The following GDAP2 variants were observed in gnomAD, a reference collection of about 807,000 sequenced individuals.
GDAP2 encodes the protein ganglioside-induced differentiation-associated protein 2.
A neutral mutation model predicts 67.0 loss-of-function variants in GDAP2; 51 were observed. The ratio of observed to expected loss-of-function variants is 0.76; its 90% CI spans 0.61 to 0.96. GDAP2 has a LOEUF of 0.96. GDAP2 is among the 40% of genes least tolerant of loss of function. The pLI is 0.00. For missense variants in GDAP2, 547 were observed against 588.3 expected, an observed-to-expected ratio of 0.93 and a Z score of 0.73; for synonymous variants, 203 against 207.3, an observed-to-expected ratio of 0.98 and a Z score of 0.18.
At chr1:117,903,800 A>G (rs1276703385) in intron 6 of GDAP2, among the ~76,000 whole-genome samples, 3 of 152,202 alleles carry the variant, frequency 2.0e-5, no homozygotes, top group Non-Finnish European at 1.5e-5. Context: ...AATAGTAAAG[A>G]GAAGACAAAT....
At chr1:117,927,489 A>T (rs772865910) in intron 1 of GDAP2, among the ~76,000 whole-genome samples, 6 of 152,184 alleles carry the variant, frequency 3.9e-5, no homozygotes, top group Admixed American at 6.5e-5. Flanking sequence ...CTGGATAACA[A>T]CAGTACAAAG....
At chr1:117,922,986 T>C (rs1211635808) in intron 1 of GDAP2, among the ~76,000 whole-genome samples, 3 of 152,216 alleles carry the variant, frequency 2.0e-5, no homozygotes, top group African/African-American at 4.8e-5. Context: ...TGCATTCTTT[T>C]CCCAGGGCTG....
chr1:117,902,181 T>C (rs1266485519), intron 6 of GDAP2, among the ~76,000 whole-genome samples: 1 of 152,238 alleles, frequency 6.6e-6, no homozygotes, highest in Non-Finnish European at 1.5e-5. Context: ...ACAATGTTTC[T>C]TGCCATAGAC....
At chr1:117,922,461 T>C (rs1170154935) in intron 1 of GDAP2, among the ~76,000 whole-genome samples, 1 of 152,188 alleles carries the variant, frequency 6.6e-6, no homozygotes, top group Admixed American at 6.5e-5. Context: ...AGGACTAATA[T>C]CAAGGGAACA....
At chr1:117,887,811 C>A in intron 8 of GDAP2, 37 bp from the exon 9 acceptor site, 2 of 1,213,732 alleles carry the variant, frequency 1.6e-6, no homozygotes, top group Non-Finnish European at 2.4e-6. Flanking sequence ...ATAATAAACC[C>A]TTGGAAATTA....
Position 117,878,043 on chromosome 1 carries a change from T to C in GDAP2, c.1412A>G (p.Asp471Gly). 6.2e-7 allele frequency: 1 copy of C among 1,612,754 alleles called. No homozygotes were observed. Among genetic ancestry groups the C allele is most frequent in the Non-Finnish European group, 8.5e-7 (1 of 1,178,830 alleles). Residue 471 changes from aspartate (D) to glycine (G), a missense_variant, in exon 13 of 14, where the codon GAC (aspartate) becomes GGC (glycine). Transcript: ENST00000369443. ...ATATTCAAGGACAAAAGGAGGAAAG[T>C]CAATCTGTTCTGGTGATATGGCAGA... Reference protein sequence around the residue: ...LFSAISPEQIDFPPFVLEYDA... With the variant: ...LFSAISPEQIGFPPFVLEYDA...
At chr1:117,914,296 A>T (rs1649970385) in intron 3 of GDAP2, among the ~76,000 whole-genome samples, 1 of 152,212 alleles carries the variant, frequency 6.6e-6, no homozygotes, top group Admixed American at 6.5e-5. Context: ...CTATTCAGAG[A>T]ACAGGAAATG....
chr1:117,911,095 CTCT>C (rs1198490418), intron 5 of GDAP2, among the ~76,000 whole-genome samples: 1 of 152,178 alleles, frequency 6.6e-6, no homozygotes, highest in Non-Finnish European at 1.5e-5. Flanking sequence ...TAAAAGCATG[CTCT>C]TCTTTAGAAG....
At chr1:117,883,163 A>C (rs1281949861) in intron 11 of GDAP2, 1 of 173,188 alleles carries the variant, frequency 5.8e-6, no homozygotes, top group Admixed American at 6.0e-5. Flanking sequence ...TCTCCTAACC[A>C]ACTCCTGGGT....
At chr1:117,884,816 G>A (rs937337386) in intron 10 of GDAP2, among the ~76,000 whole-genome samples, 2 of 137,646 alleles carry the variant, frequency 1.5e-5, no homozygotes, top group African/African-American at 6.6e-5. Context: ...TTCCCTCCGT[G>A]TGTGTGTGTG....
intron 13 of GDAP2, 68 bp downstream of exon 13, chr1:117,877,941 G>GT: frequency 6.5e-7 from 1 of 1,543,404 alleles, no homozygotes; most frequent in Non-Finnish European, 8.8e-7. Context: ...TGTTGTGCTC[G>GT]TAAGTGCTGC....
chr1:117,869,758 T>C lies in GDAP2; in HGVS notation c.*811A>G, dbSNP rs2101112481. Reference sequence around the variant, plus strand: ...AGCTAAACAAAATCATTCATGACTCTGGAAGACAACACACTCTCTAAATGC... The same window carrying C: ...AGCTAAACAAAATCATTCATGACTCCGGAAGACAACACACTCTCTAAATGC... On this transcript the variant is annotated 3_prime_UTR_variant, in exon 14 of 14. Coordinates refer to ENST00000369443, the MANE Select transcript of GDAP2 (RefSeq NM_017686.4). The C allele has an allele frequency of 6.5e-6, 1 of 152,772 alleles. No homozygotes were observed. Among genetic ancestry groups the C allele is most frequent in the African/African-American group, 2.4e-5 (1 of 41,588 alleles). 9.5% of individuals were successfully genotyped at this position (152,772 alleles called of 1,614,324 possible). A position where few individuals can be genotyped will look rare whatever the true frequency, so the allele number is the denominator to read the frequency against.
chr1:117,870,501 CTTCAACAGGT>C lies in GDAP2; in HGVS notation c.*58_*67del, dbSNP rs1648222542. ...ATCTGTACAGCAACAATGAATATCA[CTTCAACAGGT>C]AGCTATTCGTGGAGGAAGTGGCATC... On this transcript the variant is annotated 3_prime_UTR_variant, in exon 14 of 14. Transcript: ENST00000369443. The C allele has an allele frequency of 1.0e-6, 1 of 957,392 alleles. No homozygotes were observed. The highest frequency in any genetic ancestry group is 1.6e-5 in the African/African-American group (1 of 62,174). The allele number at this position is 957,392 out of a possible 1,614,324, so 59.3% of individuals were successfully genotyped here. A position where few individuals can be genotyped will look rare whatever the true frequency, so the allele number is the denominator to read the frequency against.
chr1:117,890,909 C>A (rs1310886511), intron 8 of GDAP2, among the ~76,000 whole-genome samples: 4 of 151,838 alleles, frequency 2.6e-5, no homozygotes, highest in Non-Finnish European at 4.4e-5. Flanking sequence ...GGTTGAGCAT[C>A]CCAAATCCAA....
intron 10 of GDAP2, among the ~76,000 whole-genome samples, chr1:117,886,173 A>G (rs1331647557): frequency 6.6e-6 from 1 of 152,148 alleles, no homozygotes; most frequent in Admixed American, 6.5e-5. Flanking sequence ...AAATGAAGGG[A>G]TTATAGAATT....
At chr1:117,913,847 G>C (rs555624926) in intron 3 of GDAP2, among the ~76,000 whole-genome samples, 1 of 152,250 alleles carries the variant, frequency 6.6e-6, no homozygotes, top group Admixed American at 6.5e-5. Context: ...ATTAGAATTA[G>C]ATAAGCTCAT....
chr1:117,884,960 C>T (rs1648798459), intron 10 of GDAP2, among the ~76,000 whole-genome samples: 2 of 152,064 alleles, frequency 1.3e-5, no homozygotes, highest in Admixed American at 6.6e-5. Flanking sequence ...ATCCTTCTGC[C>T]TCAGCTTCCC....
chr1:117,870,421 A>C lies in GDAP2; in HGVS notation c.*148T>G. The stretch of plus-strand genomic sequence containing the variant: ...CATTTTTAGATTGCTTATGTGCCAG[A>C]AAATATACAGTCAATAAAAAAATAC... On this transcript the variant is annotated 3_prime_UTR_variant, in exon 14 of 14. Transcript: ENST00000369443. The C allele has an allele frequency of 9.2e-6, 6 of 649,174 alleles. No individual in the cohort carries two copies. The South Asian group carries it at 1.2e-4, about 13-fold the overall frequency. 40.2% of individuals were successfully genotyped at this position (649,174 alleles called of 1,614,324 possible).
At chr1:117,913,465 TAG>T (rs1227713851) in intron 3 of GDAP2, 1 of 151,744 alleles carries the variant, frequency 6.6e-6, no homozygotes, top group Non-Finnish European at 1.5e-5. Context: ...GATGCTCAAC[TAG>T]AGAGTTTCTG....
Sources: allele counts gnomAD v4.1 joint callset (sites outside exome capture counted in the v4.1 genomes callset), GRCh38; gene constraint gnomAD v4.1.1; transcripts MANE v1.5; gene names NCBI Gene and HGNC (gene_info 2026-07-23, HGNC 2026-07-21).